NYAP2: variants seen among roughly 807,000 people sequenced by gnomAD.
NYAP2 encodes neuronal tyrosine-phosphorylated phosphoinositide-3-kinase adaptor 2.
In NYAP2, 23 loss-of-function variants were observed where a neutral mutation model predicts 50.4. That is an observed-to-expected ratio of 0.46 (90% CI 0.33 to 0.65). The LOEUF (loss-of-function observed/expected upper bound fraction) is 0.65. NYAP2 is among the 30% of genes least tolerant of loss of function. The pLI, the probability that NYAP2 is intolerant of heterozygous loss-of-function variation, is 0.02. For synonymous variants in NYAP2, 394 were observed against 365.2 expected (o/e 1.08, Z -0.90); for missense variants, 885 against 861.0 (o/e 1.03, Z -0.35).
At chr2:225,469,002 C>G (rs1689969174) in intron 3 of NYAP2, among the ~76,000 whole-genome samples, 2 of 152,154 alleles carry the variant, frequency 1.3e-5, no homozygotes, top group African/African-American at 4.8e-5. Context: ...GCAACAAAAG[C>G]CAAAATTGAC....
At chr2:225,644,723 C>G (rs1396528410) in intron 6 of NYAP2, among the ~76,000 whole-genome samples, 10 of 146,070 alleles carry the variant, frequency 6.8e-5, no homozygotes, top group African/African-American at 2.3e-4. Context: ...GCTTGTTTTT[C>G]TCAGGTTTGT....
At chr2:225,486,291 A>G (rs1327685611) in intron 3 of NYAP2, among the ~76,000 whole-genome samples, 2 of 152,232 alleles carry the variant, frequency 1.3e-5, no homozygotes, top group Non-Finnish European at 2.9e-5. Context: ...GAGGGTATTC[A>G]GCACTCCTAT....
exon 7 of NYAP2, chr2:225,653,029 C>T (rs1257044456): frequency 2.6e-5 from 4 of 152,132 alleles, no homozygotes; most frequent in Non-Finnish European, 4.4e-5. Context: ...AATGTACCAA[C>T]TCAAACACTT....
At chr2:225,419,892 G>A (rs1318243892) in intron 3 of NYAP2, among the ~76,000 whole-genome samples, 1 of 152,088 alleles carries the variant, frequency 6.6e-6, no homozygotes, top group Non-Finnish European at 1.5e-5. Flanking sequence ...CATGTACCCA[G>A]CCCCCAACTG....
At chr2:225,490,870 A>G (rs747473124) in intron 3 of NYAP2, among the ~76,000 whole-genome samples, 1 of 152,226 alleles carries the variant, frequency 6.6e-6, no homozygotes, top group Non-Finnish European at 1.5e-5. Context: ...TGCACAACTC[A>G]TGACTGTTAA....
At chr2:225,483,199 T>C (rs1238010289) in intron 3 of NYAP2, among the ~76,000 whole-genome samples, 1 of 152,188 alleles carries the variant, frequency 6.6e-6, no homozygotes, top group Non-Finnish European at 1.5e-5. Context: ...AGTTAAGTGT[T>C]CCTTTCACAA....
chr2:225,481,705 G>A (rs867143703), intron 3 of NYAP2, among the ~76,000 whole-genome samples: 1 of 152,072 alleles, frequency 6.6e-6, no homozygotes, highest in Admixed American at 6.6e-5. Context: ...TATATTGAAA[G>A]CCACAAATGC....
intron 4 of NYAP2, among the ~76,000 whole-genome samples, chr2:225,577,839 C>G (rs890518066): frequency 4.0e-5 from 6 of 151,724 alleles, no homozygotes; most frequent in African/African-American, 1.2e-4. Flanking sequence ...GAAGCCCCTG[C>G]CCCCATATTG....
At chr2:225,607,357 C>T (rs1692805925) in intron 5 of NYAP2, among the ~76,000 whole-genome samples, 1 of 152,044 alleles carries the variant, frequency 6.6e-6, no homozygotes, top group Non-Finnish European at 1.5e-5. Context: ...CTATGCCAGT[C>T]TATTCAGCAT....
chr2:225,569,953 A>G (rs1338474914), intron 4 of NYAP2, among the ~76,000 whole-genome samples: 1 of 152,172 alleles, frequency 6.6e-6, no homozygotes, highest in Admixed American at 6.5e-5. Flanking sequence ...AGACTTGTGT[A>G]AAGGATGGAA....
At chr2:225,479,818 G>A (rs1024227588) in intron 3 of NYAP2, among the ~76,000 whole-genome samples, 4 of 152,042 alleles carry the variant, frequency 2.6e-5, no homozygotes, top group African/African-American at 7.2e-5. Context: ...TTTTCTACAT[G>A]TAATTTCATC....
At chr2:225,528,439 G>A (rs1691194293) in intron 4 of NYAP2, among the ~76,000 whole-genome samples, 1 of 152,000 alleles carries the variant, frequency 6.6e-6, no homozygotes. Context: ...TTATTGGTTG[G>A]AAAAAATCTC....
At chr2:225,627,171 T>G in intron 6 of NYAP2, 45 bp downstream of exon 6, 53 of 1,381,240 alleles carry the variant, frequency 3.8e-5, no homozygotes, top group Non-Finnish European at 4.6e-5. Flanking sequence ...CTCCTGTCTC[T>G]AGAGACTACT....
chr2:225,445,348 C>G (rs965048203), intron 3 of NYAP2, among the ~76,000 whole-genome samples: 1 of 151,546 alleles, frequency 6.6e-6, no homozygotes, highest in Non-Finnish European at 1.5e-5. Context: ...TAAAAATTTT[C>G]CTCTTTTAAT....
chr2:225,500,324 C>T (rs952721267), intron 3 of NYAP2, among the ~76,000 whole-genome samples: 2 of 152,156 alleles, frequency 1.3e-5, no homozygotes, highest in Non-Finnish European at 2.9e-5. Context: ...TTTAGAAAGA[C>T]ATTGAATTAT....
At chr2:225,452,181 C>T (rs1274748263) in intron 3 of NYAP2, among the ~76,000 whole-genome samples, 1 of 152,178 alleles carries the variant, frequency 6.6e-6, no homozygotes, top group Non-Finnish European at 1.5e-5. Context: ...AATGCTATTT[C>T]TGCCACTCAT....
intron 4 of NYAP2, 61 bp downstream of exon 4, chr2:225,513,733 C>A: frequency 7.4e-7 from 1 of 1,343,286 alleles, no homozygotes; most frequent in Non-Finnish European, 9.8e-7. Context: ...TTCAGGTCAG[C>A]ATGCCCAGGG....
intron 3 of NYAP2, among the ~76,000 whole-genome samples, chr2:225,411,984 AATATT>A (rs1165654062): frequency 2.0e-5 from 3 of 149,246 alleles, no homozygotes; most frequent in Non-Finnish European, 4.4e-5. Context: ...ATTTACAAAT[AATATT>A]ATATTATACT....
chr2:225,420,547 C>A (rs764615300), intron 3 of NYAP2, among the ~76,000 whole-genome samples: 4 of 151,996 alleles, frequency 2.6e-5, no homozygotes, highest in Admixed American at 6.6e-5. Context: ...GCTGGCCCAA[C>A]AATAACCGAT....
Sources: allele counts gnomAD v4.1 joint callset (sites outside exome capture counted in the v4.1 genomes callset), GRCh38; gene constraint gnomAD v4.1.1; transcripts MANE v1.5; gene names NCBI Gene and HGNC (gene_info 2026-07-23, HGNC 2026-07-21).